The following THSD7B variants were observed in gnomAD, a reference collection of about 807,000 sequenced individuals.
THSD7B encodes the protein thrombospondin type 1 domain containing 7B.
THSD7B carries 138 observed loss-of-function variants against 213.6 expected under a neutral mutation model. The observed-to-expected ratio is 0.65, with a 90% CI of 0.56 to 0.74. The LOEUF (loss-of-function observed/expected upper bound fraction) is 0.74, where lower values mean the gene tolerates loss of function less well. Among genes scored for constraint, THSD7B ranks in the 30% least tolerant of loss-of-function variants. The probability of loss-of-function intolerance (pLI) is 0.00; values close to 1 mark genes in which losing one functional copy is unlikely to be tolerated. For synonymous variants in THSD7B, 742 were observed against 687.0 expected (o/e 1.08, Z -1.25); for missense variants, 1,931 against 1,991.5 (o/e 0.97, Z 0.58).
intron 5 of THSD7B, among the ~76,000 whole-genome samples, chr2:137,126,730 C>T (rs1487009191): frequency 6.6e-6 from 1 of 152,194 alleles, no homozygotes; most frequent in African/African-American, 2.4e-5. Context: ...TTGCTTTCAG[C>T]CAGTCTTGGC....
intron 12 of THSD7B, among the ~76,000 whole-genome samples, chr2:137,390,823 G>A (rs961166831): frequency 6.6e-6 from 1 of 152,116 alleles, no homozygotes; most frequent in Non-Finnish European, 1.5e-5. Context: ...TTTACGTGCT[G>A]TATTACATTT....
intron 2 of THSD7B, among the ~76,000 whole-genome samples, chr2:137,010,480 C>G (rs1046679056): frequency 2.0e-5 from 3 of 152,136 alleles, no homozygotes; most frequent in African/African-American, 4.8e-5. Flanking sequence ...TATGTTCTAC[C>G]ATTTTTTTCT....
At chr2:137,492,978 G>A (rs554762977) in intron 15 of THSD7B, among the ~76,000 whole-genome samples, 52 of 151,520 alleles carry the variant, frequency 3.4e-4, no homozygotes, top group African/African-American at 1.0e-3. Context: ...AAAATTAGCC[G>A]GGCGTGGTGG....
intron 1 of THSD7B, among the ~76,000 whole-genome samples, chr2:136,825,869 G>A (rs951695222): frequency 6.6e-6 from 1 of 151,910 alleles, no homozygotes; most frequent in African/African-American, 2.4e-5. Context: ...TCTCTTTTAA[G>A]TACACATATG....
chr2:137,667,560 G>C (rs902507001), intron 26 of THSD7B, among the ~76,000 whole-genome samples: 1 of 152,142 alleles, frequency 6.6e-6, no homozygotes, highest in Non-Finnish European at 1.5e-5. Flanking sequence ...TGTTCTAAGA[G>C]AATCTTTTTA....
chr2:137,244,155 A>T (rs928054537), intron 10 of THSD7B, among the ~76,000 whole-genome samples: 45 of 152,222 alleles, frequency 3.0e-4, no homozygotes, highest in African/African-American at 1.0e-3. Context: ...GACTTTGGGA[A>T]TTTTAATCAT....
At chr2:137,017,497 G>A (rs188983515) in intron 2 of THSD7B, among the ~76,000 whole-genome samples, 1 of 152,238 alleles carries the variant, frequency 6.6e-6, no homozygotes, top group South Asian at 2.1e-4. Context: ...TGGGTCTGAT[G>A]ACCTGGTTTA....
rs186086317 is a variant in THSD7B at position 136,985,849 on chromosome 2, G to A, written c.140-70571G>A. Among the ~76,000 whole-genome samples the A allele has an allele frequency of 3.0e-3, 453 of 152,360 alleles. 1 individual carries two copies. Among genetic ancestry groups the A allele is most frequent in the Non-Finnish European group, 5.1e-3 (344 of 68,028 alleles). On this transcript the variant is annotated intron_variant, in intron 2 of 27. Coordinates refer to ENST00000409968, the MANE Select transcript of THSD7B (RefSeq NM_001316349.2). ...AGCCACAGGGACTGCACCCTGCAAA[G>A]CCACAGGGCAGAACTGCCCAAGGCT... is the stretch of plus-strand genomic sequence containing the variant.
At chr2:136,900,339 T>C (rs1240336523) in intron 2 of THSD7B, among the ~76,000 whole-genome samples, 3 of 152,158 alleles carry the variant, frequency 2.0e-5, no homozygotes, top group Admixed American at 2.0e-4. Flanking sequence ...TTGTGATAGC[T>C]AAAAAGTTTC....
At chr2:136,776,393 C>T (rs553356431) in intron 1 of THSD7B, among the ~76,000 whole-genome samples, 56 of 152,124 alleles carry the variant, frequency 3.7e-4, no homozygotes, top group African/African-American at 1.2e-3. Context: ...ATGGCAATAA[C>T]AATGCCCTCC....
At chr2:137,672,376 G>A (rs1446167585) in intron 27 of THSD7B, among the ~76,000 whole-genome samples, 3 of 152,120 alleles carry the variant, frequency 2.0e-5, no homozygotes, top group Non-Finnish European at 4.4e-5. Context: ...TAGAGTTCAT[G>A]CTCTTTCTAC....
intron 2 of THSD7B, among the ~76,000 whole-genome samples, chr2:136,971,639 T>TACACACACAC (rs6146927): frequency 0.083 from 11,207 of 135,218 alleles, 523 homozygotes; most frequent in Middle Eastern, 0.18. Context: ...CAACAACAAA[T>TACACACACAC]ACACACACAC....
rs115388089 is a variant in THSD7B at position 136,781,776 on chromosome 2, T to A, written c.-36+16089T>A. On this transcript the variant is annotated intron_variant, in intron 1 of 27. Coordinates refer to ENST00000409968, the MANE Select transcript of THSD7B (RefSeq NM_001316349.2). ...TACTTCACCCTGGCGTTCCTCTGAT[T>A]CCTTCTGTCTATGCCCTGCCTCCTG... Among the ~76,000 whole-genome samples the A allele has an allele frequency of 7.1e-3, 1,083 of 152,172 alleles. 23 individuals carry two copies. The highest frequency in any genetic ancestry group is 0.025 in the African/African-American group (1,029 of 41,512).
intron 3 of THSD7B, among the ~76,000 whole-genome samples, chr2:137,058,406 C>T (rs560272881): frequency 2.0e-5 from 3 of 152,184 alleles, no homozygotes; most frequent in South Asian, 2.1e-4. Flanking sequence ...GTGAGCATTA[C>T]ATAGAATCTT....
rs541916941 is a variant in THSD7B, at chr2:137,532,419, A to T, written c.3139-30802A>T. Among the ~76,000 whole-genome samples, 18 of 152,004 alleles carry T rather than the reference A, an allele frequency of 1.2e-4. No homozygotes were observed. The East Asian group carries it at 2.3e-3, about 20-fold the overall frequency. On this transcript the variant is annotated intron_variant, in intron 15 of 27. Transcript: ENST00000409968. Reference sequence around the variant, plus strand: ...ACTTTAGATTGAGAAAAAAAGAATTATTCTAGATTATTCTGTTTCTCTGTG... The same window carrying T: ...ACTTTAGATTGAGAAAAAAAGAATTTTTCTAGATTATTCTGTTTCTCTGTG...
chr2:137,078,680 T>G (rs1306456946), intron 3 of THSD7B, among the ~76,000 whole-genome samples: 1 of 152,140 alleles, frequency 6.6e-6, no homozygotes, highest in Non-Finnish European at 1.5e-5. Flanking sequence ...ATTTTCCAAC[T>G]GTCTGAATAA....
At chr2:137,436,728 G>A (rs144414122) in intron 14 of THSD7B, among the ~76,000 whole-genome samples, 8 of 152,170 alleles carry the variant, frequency 5.3e-5, no homozygotes, top group East Asian at 1.9e-4. Context: ...CAAACAAACC[G>A]TAAAAACAAG....
intron 12 of THSD7B, among the ~76,000 whole-genome samples, chr2:137,279,088 A>G (rs1421276090): frequency 6.6e-6 from 1 of 152,150 alleles, no homozygotes; most frequent in Non-Finnish European, 1.5e-5. Context: ...AGCTATATGA[A>G]TATATTTTTA....
At chr2:137,147,514 T>G (rs1679726723) in intron 5 of THSD7B, among the ~76,000 whole-genome samples, 1 of 151,948 alleles carries the variant, frequency 6.6e-6, no homozygotes, top group African/African-American at 2.4e-5. Context: ...GAGTTCTTAC[T>G]TGGACCTTGT....
Sources: gnomAD v4.1 joint callset for allele counts (sites outside exome capture counted in the v4.1 genomes callset) on GRCh38, gnomAD v4.1.1 for gene constraint, MANE v1.5 for transcripts, NCBI Gene and HGNC (gene_info 2026-07-23, HGNC 2026-07-21) for gene names.